GAL3ST2: variants seen among roughly 807,000 people sequenced by gnomAD.
The protein encoded by GAL3ST2 is galactose-3-O-sulfotransferase 2.
In GAL3ST2, 16 loss-of-function variants were observed where a neutral mutation model predicts 12.9. The observed-to-expected ratio is 1.24, with a 90% CI of 0.84 to 1.88. The LOEUF is 1.88. GAL3ST2 is among the 40% of genes most tolerant of loss of function. GAL3ST2 has a pLI of 0.00. For missense variants in GAL3ST2, 639 were observed against 571.8 expected (o/e 1.12, Z -1.20); for synonymous variants, 302 against 273.9 (o/e 1.10, Z -1.01).
intron 1 of GAL3ST2, among the ~76,000 whole-genome samples, chr2:241,777,905 G>C (rs1699513328): frequency 6.6e-6 from 1 of 152,198 alleles, no homozygotes; most frequent in South Asian, 2.1e-4. Flanking sequence ...GGCCAGGGCG[G>C]GTGTGCCTGA....
At position 241,776,948 on chromosome 2, in the gene GAL3ST2, A is replaced by C; in HGVS notation, c.-8A>C. 2 of 1,542,510 alleles carry C rather than the reference A, an allele frequency of 1.3e-6. No individual in the cohort carries two copies. Among genetic ancestry groups the C allele is most frequent in the Non-Finnish European group, 1.8e-6 (2 of 1,139,490 alleles). ...CGACTGTCCCCTCGCTGGAGGCCAGAGGCCAAGATGATGTCCATGCTGGGC... is the reference window on the plus strand; with the variant it reads ...CGACTGTCCCCTCGCTGGAGGCCAGCGGCCAAGATGATGTCCATGCTGGGC... On this transcript the variant is annotated 5_prime_UTR_variant, in exon 1 of 4. Transcript: ENST00000192314.
Position 241,787,761 on chromosome 2 carries a change from G to A in GAL3ST2, c.29+10777G>A, listed in dbSNP as rs11688323. On this transcript the variant is annotated intron_variant, in intron 1 of 3. Transcript: ENST00000192314. ...GAACTGGGGTTCTGTCTTGGCTAAC[G>A]TGACAACCAGCTGGTCTTAATTTCT... Among the ~76,000 whole-genome samples, 494 of 152,184 alleles carry A rather than the reference G, an allele frequency of 3.2e-3. 3 individuals are homozygous for A. Among genetic ancestry groups the A allele is most frequent in the African/African-American group, 7.0e-3 (291 of 41,520 alleles).
chr2:241,801,879 G>A lies in GAL3ST2; in HGVS notation c.218G>A (p.Arg73His). Reference sequence around the variant, plus strand: ...AGCACGGTGCTCAACATCCTCTACCGCTTCGCCGAGACCCACAACCTGTCC... The same window carrying A: ...AGCACGGTGCTCAACATCCTCTACCACTTCGCCGAGACCCACAACCTGTCC... ...ASSTVLNILY[R>H]FAETHNLSVA... Residue 73 changes from arginine to histidine, a missense_variant, in exon 3 of 4, where the codon CGC becomes CAC. Transcript: ENST00000192314. This position sits in a 1 kb window ranked among gnomAD's most constrained non-coding sequence, Gnocchi z 4.4. 2 of 1,612,976 alleles carry A rather than the reference G, an allele frequency of 1.2e-6. No homozygotes were observed. Among genetic ancestry groups the A allele is most frequent in the Non-Finnish European group, 1.7e-6 (2 of 1,179,966 alleles).
rs1699831467 is a variant in GAL3ST2, at chr2:241,800,635, TG to T, written c.120-1141del. Among the ~76,000 whole-genome samples, 1 of 152,150 alleles carries T rather than the reference TG, an allele frequency of 6.6e-6. No homozygotes were observed. Among genetic ancestry groups the T allele is most frequent in the Non-Finnish European group, 1.5e-5 (1 of 68,018 alleles). ...TAAACCGCCAGAACCAGTCCGGGGC[TG>T]GGGGTCCCTGCTCAGGGGACAGTTA... On this transcript the variant is annotated intron_variant, in intron 2 of 3. Coordinates refer to ENST00000192314, the MANE Select transcript of GAL3ST2 (RefSeq NM_022134.3). The surrounding 1 kb of genome is among the most constrained non-coding windows in gnomAD (Gnocchi z 5.2).
At chr2:241,799,255 G>A in intron 2 of GAL3ST2, 101 bp downstream of exon 2, 1 of 1,038,660 alleles carries the variant, frequency 9.6e-7, no homozygotes, top group Non-Finnish European at 1.5e-6. Flanking sequence ...CACTGGGCCT[G>A]TCTCCCTCTG....
At chr2:241,792,488 T>C (rs897719880) in intron 1 of GAL3ST2, among the ~76,000 whole-genome samples, 1 of 152,220 alleles carries the variant, frequency 6.6e-6, no homozygotes, top group Non-Finnish European at 1.5e-5. Flanking sequence ...GTATGGACTT[T>C]AAAGTTATGT....
At position 241,790,408 on chromosome 2, in the gene GAL3ST2, T is replaced by C. The variant is rs141794345; in HGVS notation, c.30-8657T>C. On this transcript the variant is annotated intron_variant, in intron 1 of 3. Transcript: ENST00000192314. ...TATTTTTCAGAGCTGAGAAAACTTTTCTTTTGAGCTATTGACAGCTTTTTA... is the reference window on the plus strand; with the variant it reads ...TATTTTTCAGAGCTGAGAAAACTTTCCTTTTGAGCTATTGACAGCTTTTTA... Among the ~76,000 whole-genome samples, 354 of 152,350 alleles carry C rather than the reference T, an allele frequency of 2.3e-3. 3 individuals are homozygous for C. The highest frequency in any genetic ancestry group is 6.4e-3 in the African/African-American group (268 of 41,580).
At chr2:241,786,351 A>G (rs969362036) in intron 1 of GAL3ST2, among the ~76,000 whole-genome samples, 2 of 152,240 alleles carry the variant, frequency 1.3e-5, no homozygotes, top group Admixed American at 1.3e-4. Flanking sequence ...TCACACAACT[A>G]TATGATTCCT....
rs1191053626 is a variant in GAL3ST2, at chr2:241,793,545, GTATA to G, written c.30-5518_30-5515del. 5.9e-5 allele frequency among the ~76,000 whole-genome samples: 9 copies of G among 151,518 alleles called. No homozygotes were observed. Among genetic ancestry groups the G allele is most frequent in the Admixed American group, 5.9e-4 (9 of 15,194 alleles). ...GTGTATTGTGTTTATATGTATGTGT[GTATA>G]TGTATGTATGTGTATATGTGTGCGT... On this transcript the variant is annotated intron_variant, in intron 1 of 3. Transcript: ENST00000192314. The surrounding 1 kb of genome is among the most constrained non-coding windows in gnomAD (Gnocchi z 4.7).
In GAL3ST2 at chr2:241,804,151, G is replaced by A. The variant is rs1699902970; in HGVS notation, c.1182G>A (p.Pro394=). 1.4e-6 allele frequency: 2 copies of A among 1,449,618 alleles called. No individual in the cohort carries two copies. Among genetic ancestry groups the A allele is most frequent in the Non-Finnish European group, 9.1e-7 (1 of 1,094,972 alleles). 89.8% of individuals were successfully genotyped at this position (1,449,618 alleles called of 1,614,324 possible). The change falls in exon 4 of 4, where the codon CCG becomes CCA. Residue 394 remains proline, a synonymous_variant. Coordinates refer to ENST00000192314, the MANE Select transcript of GAL3ST2 (RefSeq NM_022134.3). ...CGGAGAAGCCCCTCAAGAACATCCC[G>A]TTCCTGGGGGCGTAGAGGGGCCGGG... ...QFPEKPLKNI[P]FLGA is the part of the protein sequence containing the mutation.
rs1321528739 is a variant in GAL3ST2 at position 241,802,697 on chromosome 2, C to T, written c.376-648C>T. ...GAAGAGGGTGGGGGCAGGGAGGAGGCCTCCCACTGTTCTCTCCCTGGGTTT... is the reference window on the plus strand; with the variant it reads ...GAAGAGGGTGGGGGCAGGGAGGAGGTCTCCCACTGTTCTCTCCCTGGGTTT... On this transcript the variant is annotated intron_variant, in intron 3 of 3. Transcript: ENST00000192314. This position sits in a 1 kb window ranked among gnomAD's most constrained non-coding sequence, Gnocchi z 4.8. Among the ~76,000 whole-genome samples the T allele has an allele frequency of 4.0e-5, 6 of 151,794 alleles. No homozygotes were observed. The highest frequency in any genetic ancestry group is 8.8e-5 in the Non-Finnish European group (6 of 67,926).
chr2:241,790,966 T>A (rs182446383), intron 1 of GAL3ST2, among the ~76,000 whole-genome samples: 23 of 152,376 alleles, frequency 1.5e-4, no homozygotes, highest in Admixed American at 1.3e-3. Flanking sequence ...CAACCAATTG[T>A]CATCCAGAAA....
chr2:241,786,954 A>G lies in GAL3ST2; in HGVS notation c.29+9970A>G, dbSNP rs77819953. Among the ~76,000 whole-genome samples, 15 of 152,300 alleles carry G rather than the reference A, an allele frequency of 9.8e-5. No homozygotes were observed. In the East Asian group the frequency reaches 2.7e-3, roughly 27 times the overall value. On this transcript the variant is annotated intron_variant, in intron 1 of 3. Transcript: ENST00000192314. ...CCAACCTGCCTCCCGTTCTCTTCAA[A>G]GTCTCCCCTCTGCTCACTGAGACAA...
At position 241,801,589 on chromosome 2, in the gene GAL3ST2, A is replaced by C; in HGVS notation, c.120-192A>C. On this transcript the variant is annotated intron_variant, in intron 2 of 3. Coordinates refer to ENST00000192314, the MANE Select transcript of GAL3ST2 (RefSeq NM_022134.3). The surrounding 1 kb of genome is among the most constrained non-coding windows in gnomAD (Gnocchi z 4.4). ...TGGGGGAGTTTGTGTTCGGGCCACC[A>C]GCTGGGAGGTTGTGGAGTGGGGCAA... 1.5e-6 allele frequency: 1 copy of C among 669,166 alleles called. No homozygotes were observed. Among genetic ancestry groups the C allele is most frequent in the Non-Finnish European group, 2.5e-6 (1 of 402,952 alleles). The allele number at this position is 669,166 out of a possible 1,614,324, so 41.5% of individuals were successfully genotyped here.
In GAL3ST2 at chr2:241,802,210, TCCAGGCGGCCAGTCG is replaced by T. The variant is rs1699862088; in HGVS notation, c.375+177_375+191del. Among the ~76,000 whole-genome samples the T allele has an allele frequency of 6.6e-6, 1 of 152,078 alleles. No individual in the cohort carries two copies. Among genetic ancestry groups the T allele is most frequent in the African/African-American group, 2.4e-5 (1 of 41,414 alleles). ...GCCCTGCTGAGCCAACCCCTGCCCC[TCCAGGCGGCCAGTCG>T]CCTGCCGTTGCTCTTGGAATGAGAC... On this transcript the variant is annotated intron_variant, in intron 3 of 3. Coordinates refer to ENST00000192314, the MANE Select transcript of GAL3ST2 (RefSeq NM_022134.3). The surrounding 1 kb of genome is among the most constrained non-coding windows in gnomAD (Gnocchi z 4.8).
Position 241,802,129 on chromosome 2 carries a change from T to G in GAL3ST2, c.375+93T>G, listed in dbSNP as rs1575368786. On this transcript the variant is annotated intron_variant, in intron 3 of 3. Transcript: ENST00000192314. The surrounding 1 kb of genome is among the most constrained non-coding windows in gnomAD (Gnocchi z 4.8). ...TAGCCTGGAGGCTGGAGAGAAGGAG[T>G]GTAAGGCTTGGGGGCGGGGCGTGCA... is the stretch of plus-strand genomic sequence containing the variant. 2.1e-6 allele frequency: 3 copies of G among 1,417,772 alleles called. No individual in the cohort carries two copies. The highest frequency in any genetic ancestry group is 1.4e-5 in the South Asian group (1 of 72,916). 87.8% of individuals were successfully genotyped at this position (1,417,772 alleles called of 1,614,324 possible).
Position 241,802,850 on chromosome 2 carries a change from TG to T in GAL3ST2, c.376-491del, listed in dbSNP as rs1699871475. On this transcript the variant is annotated intron_variant, in intron 3 of 3. Coordinates refer to ENST00000192314, the MANE Select transcript of GAL3ST2 (RefSeq NM_022134.3). The surrounding 1 kb of genome is among the most constrained non-coding windows in gnomAD (Gnocchi z 4.8). ...CGAGGGTGAGTCCAGACCCACCCTG[TG>T]GGGAACCTGGGTCACGGACCTTCTC... 6.6e-6 allele frequency among the ~76,000 whole-genome samples: 1 copy of T among 152,128 alleles called. No homozygotes were observed. The highest frequency in any genetic ancestry group is 2.4e-5 in the African/African-American group (1 of 41,406).
chr2:241,785,749 C>T (rs1444208060), intron 1 of GAL3ST2, among the ~76,000 whole-genome samples: 4 of 151,902 alleles, frequency 2.6e-5, no homozygotes, highest in Non-Finnish European at 5.9e-5. Context: ...GAAAAACAGA[C>T]CTCAGTCAAC....
At position 241,795,052 on chromosome 2, in the gene GAL3ST2, A is replaced by G. The variant is rs549835988; in HGVS notation, c.30-4013A>G. Among the ~76,000 whole-genome samples the G allele has an allele frequency of 3.3e-5, 5 of 152,240 alleles. No homozygotes were observed. The East Asian group carries it at 9.7e-4, about 30-fold the overall frequency. ...CACAGGCTCTCCTTAAAGAATGTGTAACAATGTGTAACTCCTGCGTGTAAG... is the reference window on the plus strand; with the variant it reads ...CACAGGCTCTCCTTAAAGAATGTGTGACAATGTGTAACTCCTGCGTGTAAG... On this transcript the variant is annotated intron_variant, in intron 1 of 3. Transcript: ENST00000192314. The surrounding 1 kb of genome is among the most constrained non-coding windows in gnomAD (Gnocchi z 4.5).
Sources: allele counts gnomAD v4.1 joint callset (sites outside exome capture counted in the v4.1 genomes callset), GRCh38; gene constraint gnomAD v4.1.1; non-coding constraint Gnocchi (gnomAD v3.1); transcripts MANE v1.5; gene names NCBI Gene and HGNC (gene_info 2026-07-23, HGNC 2026-07-21).